Variants in NLK observed in about 807,000 individuals in gnomAD.
NLK encodes the protein serine/threonine-protein kinase NLK.
A neutral mutation model predicts 59.0 loss-of-function variants in NLK; 11 were observed. That is an observed-to-expected ratio of 0.19 (90% CI 0.12 to 0.31). NLK has a LOEUF of 0.31. NLK is among the 10% of genes least tolerant of loss of function. The pLI is 1.00. For synonymous variants in NLK, 235 were observed against 235.9 expected, an observed-to-expected ratio of 1.00 and a Z score of 0.03; for missense variants, 410 against 661.1, an observed-to-expected ratio of 0.62 and a Z score of 4.16.
At position 28,111,896 on chromosome 17, in the gene NLK, GGTGTGTGTGTGTGTGTGTGTGT is replaced by G. The variant is rs747211468; in HGVS notation, c.459-10678_459-10657del. ...TGTGTGTGTGTGTGTGTGTGTGTGT[GGTGTGTGTGTGTGTGTGTGTGT>G]GTGTGTGTGTGTGTGTGTGTGTGTG... On this transcript the variant is annotated intron_variant, in intron 1 of 10. Coordinates refer to ENST00000407008, the MANE Select transcript of NLK (RefSeq NM_016231.5). Among the ~76,000 whole-genome samples the G allele has an allele frequency of 1.3e-4, 9 of 67,544 alleles. No individual in the cohort carries two copies. In the South Asian group the frequency reaches 4.2e-3, roughly 32 times the overall value. The allele number at this position is 67,544 out of a possible 152,430, so 44.3% of individuals were successfully genotyped here.
Position 28,102,494 on chromosome 17 carries a change from C to G in NLK, c.459-20109C>G, listed in dbSNP as rs140532694. ...TAAAACTCTGTCTCTACTAAAAATA[C>G]AAAAATTAGCTGGACATGGTGGTGC... On this transcript the variant is annotated intron_variant, in intron 1 of 10. Transcript: ENST00000407008. 6.6e-4 allele frequency among the ~76,000 whole-genome samples: 100 copies of G among 151,902 alleles called. No individual in the cohort carries two copies. In the East Asian group the frequency reaches 0.014, roughly 22 times the overall value.
At chr17:28,169,127 C>A (rs1437944684) in intron 6 of NLK, among the ~76,000 whole-genome samples, 2 of 152,052 alleles carry the variant, frequency 1.3e-5, no homozygotes, top group African/African-American at 4.8e-5. Context: ...CTCAGGTGAT[C>A]CACCTGCCTC....
At chr17:28,124,839 C>T (rs1428988506) in intron 2 of NLK, among the ~76,000 whole-genome samples, 2 of 151,998 alleles carry the variant, frequency 1.3e-5, no homozygotes, top group Non-Finnish European at 2.9e-5. Context: ...CATTTGAGTC[C>T]AGGAGTTCAA....
chr17:28,055,239 C>T (rs1909401696), intron 1 of NLK, among the ~76,000 whole-genome samples: 1 of 151,846 alleles, frequency 6.6e-6, no homozygotes, highest in African/African-American at 2.4e-5. Flanking sequence ...ACTACACGCA[C>T]ACGCCACCAC....
At chr17:28,082,341 C>T (rs146600928) in intron 1 of NLK, among the ~76,000 whole-genome samples, 34 of 152,182 alleles carry the variant, frequency 2.2e-4, no homozygotes, top group African/African-American at 8.2e-4. Flanking sequence ...ACATTATTAG[C>T]TGTTAAAAGG....
At chr17:28,061,360 C>G (rs972626823) in intron 1 of NLK, among the ~76,000 whole-genome samples, 1 of 152,002 alleles carries the variant, frequency 6.6e-6, no homozygotes, top group African/African-American at 2.4e-5. Flanking sequence ...TTTCTGCTGC[C>G]TTAGTTATGT....
At chr17:28,053,459 C>T (rs1235931683) in intron 1 of NLK, among the ~76,000 whole-genome samples, 3 of 152,130 alleles carry the variant, frequency 2.0e-5, no homozygotes, top group Non-Finnish European at 4.4e-5. Flanking sequence ...GCTTTCCTTC[C>T]CAGTTAGAGC....
intron 1 of NLK, among the ~76,000 whole-genome samples, chr17:28,093,949 G>A (rs1232540136): frequency 2.0e-5 from 3 of 152,104 alleles, no homozygotes. Flanking sequence ...TATAACATTA[G>A]AATTTCAATC....
intron 6 of NLK, among the ~76,000 whole-genome samples, chr17:28,169,423 A>T (rs1908373996): frequency 6.6e-6 from 1 of 152,228 alleles, no homozygotes; most frequent in South Asian, 2.1e-4. Context: ...ATTGGACTAA[A>T]ATATCTAAAT....
intron 3 of NLK, among the ~76,000 whole-genome samples, chr17:28,151,103 G>A (rs1907462279): frequency 6.6e-6 from 1 of 152,260 alleles, no homozygotes; most frequent in Middle Eastern, 3.4e-3. Context: ...TCAAGTTAAT[G>A]GCACCTCTGA....
chr17:28,068,456 T>C (rs1028668904), intron 1 of NLK, among the ~76,000 whole-genome samples: 1 of 152,182 alleles, frequency 6.6e-6, no homozygotes, highest in Non-Finnish European at 1.5e-5. Context: ...ATGATATTTG[T>C]TTTTAGGTTA....
chr17:28,063,443 A>G (rs1407709460), intron 1 of NLK, among the ~76,000 whole-genome samples: 6 of 152,030 alleles, frequency 3.9e-5, no homozygotes, highest in Non-Finnish European at 5.9e-5. Context: ...TCATCAGTCT[A>G]TTCATTTTCT....
chr17:28,184,926 T>TGA (rs1329791227), intron 7 of NLK, among the ~76,000 whole-genome samples: 1 of 152,056 alleles, frequency 6.6e-6, no homozygotes, highest in East Asian at 1.9e-4. Context: ...CTAGCCTGGG[T>TGA]GAGAGAGCGA....
chr17:28,162,742 A>G (rs1455131366), intron 4 of NLK, among the ~76,000 whole-genome samples: 1 of 152,158 alleles, frequency 6.6e-6, no homozygotes, highest in East Asian at 1.9e-4. Context: ...GTGATTTGCT[A>G]CATTTTATCC....
downstream of NLK, among the ~76,000 whole-genome samples, chr17:28,200,951 A>G (rs552102530): frequency 6.6e-6 from 1 of 152,302 alleles, no homozygotes; most frequent in East Asian, 1.9e-4. Flanking sequence ...GATTCTAGGA[A>G]TCCTTTCTCC....
chr17:28,134,888 C>G (rs1345021873), intron 3 of NLK, among the ~76,000 whole-genome samples: 2 of 152,176 alleles, frequency 1.3e-5, no homozygotes, highest in African/African-American at 2.4e-5. Flanking sequence ...TTCTTTTCTC[C>G]TCAACTGTAG....
chr17:28,068,582 T>C (rs1909910646), intron 1 of NLK, among the ~76,000 whole-genome samples: 2 of 152,254 alleles, frequency 1.3e-5, no homozygotes, highest in South Asian at 2.1e-4. Flanking sequence ...TCACTATTTA[T>C]AAATATCCTT....
rs768473992 is a variant in NLK, at chr17:28,191,091, C to T, written c.1307C>T (p.Thr436Ile). The T allele has an allele frequency of 6.2e-7, 1 of 1,613,916 alleles. No homozygotes were observed. Among genetic ancestry groups the T allele is most frequent in the South Asian group, 1.1e-5 (1 of 91,072 alleles). Reference protein sequence around the residue: ...YLDEGRLRYHTCMCKCCFSTS... With the variant: ...YLDEGRLRYHICMCKCCFSTS... ...GATGAAGGGCGACTACGATATCACA[C>T]ATGTATGTGTAAATGTTGCTTTTCC... Residue 436 changes from threonine (T) to isoleucine (I), a missense_variant, in exon 9 of 11, where the codon ACA (threonine) becomes ATA (isoleucine). Thr to Ile is a moderately conservative substitution (Grantham distance 89). Coordinates refer to ENST00000407008, the MANE Select transcript of NLK (RefSeq NM_016231.5).
chr17:28,064,032 T>G (rs1186840421), intron 1 of NLK, among the ~76,000 whole-genome samples: 2 of 152,178 alleles, frequency 1.3e-5, no homozygotes, highest in Non-Finnish European at 2.9e-5. Flanking sequence ...TATACGAGTT[T>G]GCAACACTTT....
Sources: gnomAD v4.1 joint callset for allele counts (sites outside exome capture counted in the v4.1 genomes callset) on GRCh38, gnomAD v4.1.1 for gene constraint, MANE v1.5 for transcripts, NCBI Gene and HGNC (gene_info 2026-07-23, HGNC 2026-07-21) for gene names.